The following NEK7 variants were observed in gnomAD, a reference collection of about 807,000 sequenced individuals.
NEK7 encodes serine/threonine-protein kinase Nek7.
NEK7 carries 18 observed loss-of-function variants against 44.6 expected under a neutral mutation model. The observed-to-expected ratio is 0.40, with a 90% CI of 0.28 to 0.60. The LOEUF (loss-of-function observed/expected upper bound fraction) is 0.60, where lower values mean the gene tolerates loss of function less well. Among genes scored for constraint, NEK7 ranks in the 20% least tolerant of loss-of-function variants. The pLI is 0.38. For missense variants in NEK7, 256 were observed against 366.5 expected (o/e 0.70, Z 2.46); for synonymous variants, 130 against 121.1 (o/e 1.07, Z -0.48).
intron 2 of NEK7, among the ~76,000 whole-genome samples, chr1:198,235,105 A>G (rs1321882801): frequency 6.6e-6 from 1 of 152,164 alleles, no homozygotes; most frequent in African/African-American, 2.4e-5. Flanking sequence ...CTTTTGTAAT[A>G]GAAGTCTGGG....
At chr1:198,276,065 C>T (rs1654008011) in intron 5 of NEK7, among the ~76,000 whole-genome samples, 1 of 151,548 alleles carries the variant, frequency 6.6e-6, no homozygotes, top group Non-Finnish European at 1.5e-5. Context: ...TTGAATTCAG[C>T]TTCTTGTCAT....
intron 2 of NEK7, among the ~76,000 whole-genome samples, chr1:198,232,862 TATA>T (rs1319645161): frequency 6.6e-6 from 1 of 151,792 alleles, no homozygotes; most frequent in Admixed American, 6.6e-5. Flanking sequence ...ACTTTTTAGA[TATA>T]ATTATTTATG....
intron 9 of NEK7, among the ~76,000 whole-genome samples, chr1:198,309,439 T>G (rs1257498110): frequency 1.3e-5 from 2 of 152,060 alleles, no homozygotes; most frequent in Non-Finnish European, 2.9e-5. Flanking sequence ...CCTTAGCTTT[T>G]CTTTTCTTTT....
chr1:198,262,521 T>G (rs1653509908), intron 3 of NEK7, 54 bp from the exon 4 acceptor site: 1 of 1,091,188 alleles, frequency 9.2e-7, no homozygotes. Flanking sequence ...ATTTACACAA[T>G]AGCTTGAACC....
rs115665134 is a variant in NEK7, at chr1:198,232,602, A to C, written c.22A>C (p.Met8Leu). 1.0e-3 allele frequency: 1,670 copies of C among 1,606,772 alleles called. 28 individuals are homozygous for C. In the East Asian group the frequency reaches 0.03, roughly 29 times the overall value. Residue 8 changes from methionine to leucine, a missense_variant, in exon 2 of 10, where the codon ATG becomes CTG. Physicochemically the swap from Met to Leu is conservative, Grantham distance 15 (BLOSUM62 2). Transcript: ENST00000367385. ...GACAATGGATGAGCAATCACAAGGA[A>C]TGCAAGGGCCACCTGTTCCTCAGTT... is the stretch of plus-strand genomic sequence containing the variant. MDEQSQG[M>L]QGPPVPQFQP...
rs766788903 is a variant in NEK7, at chr1:198,297,256, C to T, written c.798+16C>T. The stretch of plus-strand genomic sequence containing the variant: ...TTCAGAAGAAGTAAGTCATTTTCAG[C>T]CCACATGTTCTTCTGTTGTCCATTT... On this transcript the variant is annotated intron_variant, in intron 9 of 9. Transcript: ENST00000367385. 6.2e-7 allele frequency: 1 copy of T among 1,610,204 alleles called. No homozygotes were observed. The highest frequency in any genetic ancestry group is 1.3e-5 in the African/African-American group (1 of 74,740).
intron 9 of NEK7, among the ~76,000 whole-genome samples, chr1:198,314,068 A>G (rs1655275200): frequency 6.6e-6 from 1 of 152,090 alleles, no homozygotes; most frequent in African/African-American, 2.4e-5. Flanking sequence ...TTTCAGGTAC[A>G]CCAATCAGAC....
At chr1:198,160,266 A>T (rs1664064937) in intron 1 of NEK7, among the ~76,000 whole-genome samples, 2 of 152,312 alleles carry the variant, frequency 1.3e-5, no homozygotes, top group South Asian at 4.1e-4. Flanking sequence ...TTTGGGGAAA[A>T]AAAAAGTAGG....
At chr1:198,288,522 A>G (rs992475709) in intron 7 of NEK7, among the ~76,000 whole-genome samples, 3 of 152,222 alleles carry the variant, frequency 2.0e-5, no homozygotes, top group African/African-American at 7.2e-5. Context: ...TGAAATAACC[A>G]TCTGCTTAAA....
At chr1:198,177,868 A>T (rs1203789941) in intron 1 of NEK7, among the ~76,000 whole-genome samples, 7 of 152,038 alleles carry the variant, frequency 4.6e-5, no homozygotes, top group African/African-American at 1.4e-4. Flanking sequence ...ATAAGAAAAG[A>T]TATGTTTGTT....
chr1:198,254,916 C>CT (rs1367795220), intron 3 of NEK7, among the ~76,000 whole-genome samples: 3 of 152,138 alleles, frequency 2.0e-5, no homozygotes, highest in Non-Finnish European at 4.4e-5. Flanking sequence ...CAAAAGAACT[C>CT]TGATTCATTT....
At chr1:198,315,373 G>A (rs1261902961) in intron 9 of NEK7, among the ~76,000 whole-genome samples, 3 of 152,226 alleles carry the variant, frequency 2.0e-5, no homozygotes, top group Non-Finnish European at 2.9e-5. Flanking sequence ...ACCTCAGATG[G>A]AAATGCAGAA....
At chr1:198,262,539 A>G in intron 3 of NEK7, 36 bp from the exon 4 acceptor site, 2 of 1,303,010 alleles carry the variant, frequency 1.5e-6, no homozygotes, top group Non-Finnish European at 2.2e-6. Context: ...ACCATAGGTT[A>G]TTATTTTATT....
intron 3 of NEK7, among the ~76,000 whole-genome samples, chr1:198,260,283 T>C (rs1202535407): frequency 2.6e-5 from 4 of 152,146 alleles, no homozygotes; most frequent in Non-Finnish European, 5.9e-5. Context: ...ACCCCTGCTA[T>C]TGGTGTCCAT....
At chr1:198,173,069 T>C (rs1664499601) in intron 1 of NEK7, among the ~76,000 whole-genome samples, 1 of 152,116 alleles carries the variant, frequency 6.6e-6, no homozygotes, top group African/African-American at 2.4e-5. Flanking sequence ...GAGAGACTGA[T>C]ATATAGCAGC....
Position 198,183,356 on chromosome 1 carries a change from G to A in NEK7, c.-29+26080G>A, listed in dbSNP as rs548249628. ...CAAAGGAGGAGTTTAGTAAATTTCC[G>A]TTGAATAGATAGGGGCCTGTAATTC... On this transcript the variant is annotated intron_variant, in intron 1 of 9. Transcript: ENST00000367385. Among the ~76,000 whole-genome samples the A allele has an allele frequency of 9.2e-5, 14 of 152,188 alleles. No homozygotes were observed. The East Asian group carries it at 1.2e-3, about 13-fold the overall frequency.
chr1:198,312,124 T>C (rs1436012104), intron 9 of NEK7, among the ~76,000 whole-genome samples: 3 of 152,208 alleles, frequency 2.0e-5, no homozygotes, highest in Admixed American at 6.5e-5. Flanking sequence ...GCTCCTGTTA[T>C]TGGTTTATTC....
chr1:198,226,678 T>A (rs962696813), intron 1 of NEK7, among the ~76,000 whole-genome samples: 12 of 152,192 alleles, frequency 7.9e-5, no homozygotes, highest in Admixed American at 5.9e-4. Context: ...ATAATGCTTG[T>A]TATAGCCTTT....
At chr1:198,190,418 C>CT (rs1311586001) in intron 1 of NEK7, among the ~76,000 whole-genome samples, 1 of 151,934 alleles carries the variant, frequency 6.6e-6, no homozygotes, top group African/African-American at 2.4e-5. Flanking sequence ...TTCTTTAATG[C>CT]TTTTGGATGA....
Sources: allele counts gnomAD v4.1 joint callset (sites outside exome capture counted in the v4.1 genomes callset), GRCh38; gene constraint gnomAD v4.1.1; transcripts MANE v1.5; gene names NCBI Gene and HGNC (gene_info 2026-07-23, HGNC 2026-07-21).